Variants in LYVE1 observed in about 807,000 individuals in gnomAD.
LYVE1 encodes the protein lymphatic vessel endothelial hyaluronic acid receptor 1.
Under a neutral mutation model 31.5 loss-of-function variants are expected in LYVE1, and 29 were observed. The ratio of observed to expected loss-of-function variants is 0.92; its 90% CI spans 0.69 to 1.26. The LOEUF (loss-of-function observed/expected upper bound fraction) is 1.26. Ranked by LOEUF, LYVE1 falls within the 50% of genes most tolerant of loss-of-function variation. LYVE1 has a pLI of 0.00. For missense variants in LYVE1, 376 were observed against 380.2 expected, an observed-to-expected ratio of 0.99 and a Z score of 0.09; for synonymous variants, 134 against 139.4, an observed-to-expected ratio of 0.96 and a Z score of 0.27.
Position 10,558,501 on chromosome 11 carries a change from A to G in LYVE1, c.*610T>C, listed in dbSNP as rs2133998880. 6.6e-6 allele frequency: 1 copy of G among 152,350 alleles called. No individual in the cohort carries two copies. 9.4% of individuals were successfully genotyped at this position (152,350 alleles called of 1,614,324 possible). A position where few individuals can be genotyped will look rare whatever the true frequency, so the allele number is the denominator to read the frequency against. On this transcript the variant is annotated 3_prime_UTR_variant, in exon 6 of 6. Coordinates refer to ENST00000256178, the MANE Select transcript of LYVE1 (RefSeq NM_006691.4). ...CTGTCTGTGTTTACAGTCCCTGCTG[A>G]CAGTGTACTGTCGTATCCTCAGCCT...
chr11:10,564,677 A>G (rs1850500974), intron 1 of LYVE1, among the ~76,000 whole-genome samples: 1 of 152,200 alleles, frequency 6.6e-6, no homozygotes, highest in South Asian at 2.1e-4. Flanking sequence ...GGTGCAGTCT[A>G]AGGGATGCAG....
At chr11:10,562,942 GT>G (rs1208585293) in intron 3 of LYVE1, among the ~76,000 whole-genome samples, 1 of 115,358 alleles carries the variant, frequency 8.7e-6, no homozygotes, top group African/African-American at 3.0e-5. Flanking sequence ...TTTGAACTCG[GT>G]TTCTTTTTTT....
chr11:10,560,353 C>T (rs1184547729), intron 4 of LYVE1, 142 bp downstream of exon 4: 1 of 693,354 alleles, frequency 1.4e-6, no homozygotes, highest in African/African-American at 1.8e-5. Context: ...TCTATGACTT[C>T]ATGAAAGTTG....
chr11:10,561,504 AAG>A (rs1850424333), intron 3 of LYVE1, among the ~76,000 whole-genome samples: 1 of 152,234 alleles, frequency 6.6e-6, no homozygotes, highest in Non-Finnish European at 1.5e-5. Flanking sequence ...TCATTAAAAA[AAG>A]AAGTGAACAA....
At chr11:10,559,992 G>A (rs1850387820) in intron 4 of LYVE1, 98 bp from the exon 5 acceptor site, 2 of 859,420 alleles carry the variant, frequency 2.3e-6, no homozygotes, top group Non-Finnish European at 1.9e-6. Context: ...AGACAGTACA[G>A]GAGAAAAACC....
At position 10,558,624 on chromosome 11, in the gene LYVE1, T is replaced by C. The variant is rs1249067579; in HGVS notation, c.*487A>G. On this transcript the variant is annotated 3_prime_UTR_variant, in exon 6 of 6. Transcript: ENST00000256178. The stretch of plus-strand genomic sequence containing the variant: ...CTAAACTTTTCTGCCATTCTTTTGC[T>C]CTTACCGGGCTCAGAAGGACATGTC... The C allele has an allele frequency of 1.3e-5, 2 of 152,794 alleles. No individual in the cohort carries two copies. Among genetic ancestry groups the C allele is most frequent in the African/African-American group, 4.8e-5 (2 of 41,478 alleles). The allele number at this position is 152,794 out of a possible 1,614,324, so 9.5% of individuals were successfully genotyped here. A position where few individuals can be genotyped will look rare whatever the true frequency, so the allele number is the denominator to read the frequency against.
intron 1 of LYVE1, among the ~76,000 whole-genome samples, chr11:10,566,037 C>T (rs1051002817): frequency 2.6e-5 from 4 of 151,934 alleles, no homozygotes; most frequent in African/African-American, 7.3e-5. Flanking sequence ...CTTGAACTGC[C>T]GACCTCAGGT....
rs991508184 is a variant in LYVE1 at position 10,566,400 on chromosome 11, G to A, written c.86-2026C>T. On this transcript the variant is annotated intron_variant, in intron 1 of 5. Transcript: ENST00000256178. ...GCTGAGATTACAGTCATGAACCACC[G>A]TGCCCAACCCGGCCCCCAGTTCTTA... Among the ~76,000 whole-genome samples, 9 of 152,102 alleles carry A rather than the reference G, an allele frequency of 5.9e-5. No individual in the cohort carries two copies. The South Asian group carries it at 6.2e-4, about 11-fold the overall frequency.
In LYVE1 at chr11:10,559,065, C is replaced by A; in HGVS notation, c.*46G>T. The A allele has an allele frequency of 6.4e-7, 1 of 1,568,924 alleles. No homozygotes were observed. Among genetic ancestry groups the A allele is most frequent in the Non-Finnish European group, 8.7e-7 (1 of 1,146,946 alleles). On this transcript the variant is annotated 3_prime_UTR_variant, in exon 6 of 6. Coordinates refer to ENST00000256178, the MANE Select transcript of LYVE1 (RefSeq NM_006691.4). ...TCCCCAGCTGGGGCAGGGTAAGGAGCATGAAAGAAACCAGCCTCAGGTGTG... is the reference window on the plus strand; with the variant it reads ...TCCCCAGCTGGGGCAGGGTAAGGAGAATGAAAGAAACCAGCCTCAGGTGTG...
At chr11:10,562,968 T>G (rs75762576) in intron 3 of LYVE1, among the ~76,000 whole-genome samples, 1 of 146,464 alleles carries the variant, frequency 6.8e-6, no homozygotes, top group African/African-American at 2.5e-5. Flanking sequence ...TTTTTTTTTT[T>G]TTTGAGACGG....
rs768659637 is a variant in LYVE1 at position 10,559,345 on chromosome 11, G to T, written c.783-48C>A. ...AAAGTGAGAGACTCTCACACATAAC[G>T]ATAGATAACACTTTTTGGCCATGGT... On this transcript the variant is annotated intron_variant, in intron 5 of 5. Transcript: ENST00000256178. 3.3e-6 allele frequency: 5 copies of T among 1,496,244 alleles called. No homozygotes were observed. The East Asian group carries it at 6.8e-5, about 20-fold the overall frequency. The allele number at this position is 1,496,244 out of a possible 1,614,324, so 92.7% of individuals were successfully genotyped here.
Position 10,560,782 on chromosome 11 carries a change from C to T in LYVE1, c.416G>A (p.Cys139Tyr). ...YNSSDTWTNS[C>Y]IPEIITTKDP... Reference sequence around the variant, plus strand: ...TTTGGTGGTGATAATTTCTGGAATGCACGAGTTAGTCCAAGTATCTGTTGG... The same window carrying T: ...TTTGGTGGTGATAATTTCTGGAATGTACGAGTTAGTCCAAGTATCTGTTGG... The change falls in exon 4 of 6, where the codon TGC becomes TAC. Residue 139 changes from cysteine to tyrosine, a missense_variant. By Grantham distance (194) the Cys-to-Tyr change is radical (BLOSUM62 -2). Coordinates refer to ENST00000256178, the MANE Select transcript of LYVE1 (RefSeq NM_006691.4). 1 of 1,611,304 alleles carries T rather than the reference C, an allele frequency of 6.2e-7. No individual in the cohort carries two copies. The highest frequency in any genetic ancestry group is 8.5e-7 in the Non-Finnish European group (1 of 1,177,740).
chr11:10,564,912 A>G (rs767895039), intron 1 of LYVE1, among the ~76,000 whole-genome samples: 8 of 152,194 alleles, frequency 5.3e-5, no homozygotes, highest in Non-Finnish European at 1.0e-4. Context: ...CTTACTCAGA[A>G]GTTCCTGGAG....
chr11:10,564,987 C>T (rs1850507165), intron 1 of LYVE1, among the ~76,000 whole-genome samples: 2 of 152,210 alleles, frequency 1.3e-5, no homozygotes, highest in African/African-American at 4.8e-5. Context: ...TAGAGTCAGA[C>T]TTGGGCTTAG....
chr11:10,559,177 A>G lies in LYVE1; in HGVS notation c.903T>C (p.Asp301=), dbSNP rs566792465. 2 of 1,613,966 alleles carry G rather than the reference A, an allele frequency of 1.2e-6. No individual in the cohort carries two copies. Among genetic ancestry groups the G allele is most frequent in the Non-Finnish European group, 1.7e-6 (2 of 1,179,966 alleles). ...SNPNEESKKT[D]KNPEESKSPS... is the part of the protein sequence containing the mutation. ...GACTCTTGGACTCTTCTGGGTTTTT[A>G]TCAGTTTTCTTTGATTCCTCATTAG... Residue 301 remains aspartate, a synonymous_variant, in exon 6 of 6, where the codon GAT becomes GAC. Coordinates refer to ENST00000256178, the MANE Select transcript of LYVE1 (RefSeq NM_006691.4).
chr11:10,559,425 C>T, intron 5 of LYVE1, 128 bp from the exon 6 acceptor site: 1 of 666,312 alleles, frequency 1.5e-6, no homozygotes, highest in South Asian at 1.9e-5. Flanking sequence ...CCAGCACATG[C>T]ATGCTCTAAT....
Position 10,568,578 on chromosome 11 carries a change from G to C in LYVE1, c.-46C>G, listed in dbSNP as rs1178957281. Reference sequence around the variant, plus strand: ...CAGGGAAACACCTCAGATGGCCACTGGTGATATGAGAGGCAGATGCTCAAT... The same window carrying C: ...CAGGGAAACACCTCAGATGGCCACTCGTGATATGAGAGGCAGATGCTCAAT... On this transcript the variant is annotated 5_prime_UTR_variant, in exon 1 of 6. Transcript: ENST00000256178. 6.3e-7 allele frequency: 1 copy of C among 1,594,968 alleles called. No individual in the cohort carries two copies. The highest frequency in any genetic ancestry group is 1.3e-5 in the African/African-American group (1 of 74,308).
intron 1 of LYVE1, among the ~76,000 whole-genome samples, chr11:10,567,243 C>A (rs1331519238): frequency 6.6e-6 from 1 of 152,172 alleles, no homozygotes; most frequent in Admixed American, 6.5e-5. Flanking sequence ...TATTCACTTA[C>A]CTTCATCAAC....
At chr11:10,565,107 T>C (rs1003126145) in intron 1 of LYVE1, among the ~76,000 whole-genome samples, 2 of 152,202 alleles carry the variant, frequency 1.3e-5, no homozygotes, top group Non-Finnish European at 2.9e-5. Context: ...AGTAACAGTG[T>C]CTACTGAATA....
Sources: gnomAD v4.1 joint callset for allele counts (sites outside exome capture counted in the v4.1 genomes callset) on GRCh38, gnomAD v4.1.1 for gene constraint, MANE v1.5 for transcripts, NCBI Gene and HGNC (gene_info 2026-07-23, HGNC 2026-07-21) for gene names.